Variants in PAXIP1 observed in about 807,000 individuals in gnomAD.
The protein encoded by PAXIP1 is PAX interacting protein 1, also known as PAX-interacting protein 1.
A neutral mutation model predicts 140.6 loss-of-function variants in PAXIP1; 19 were observed. The observed-to-expected ratio is 0.14, with a 90% CI of 0.09 to 0.20. The LOEUF (loss-of-function observed/expected upper bound fraction) is 0.20. Among genes scored for constraint, PAXIP1 ranks in the 10% least tolerant of loss-of-function variants. The pLI is 1.00. For synonymous variants in PAXIP1, 442 were observed against 444.6 expected, an observed-to-expected ratio of 0.99 and a Z score of 0.07; for missense variants, 920 against 1,208.6, an observed-to-expected ratio of 0.76 and a Z score of 3.54.
intron 2 of PAXIP1, among the ~76,000 whole-genome samples, chr7:154,997,597 A>T (rs1810695284): frequency 6.6e-6 from 1 of 152,286 alleles, no homozygotes; most frequent in African/African-American, 2.4e-5. Context: ...CATTGGAATT[A>T]CAAAATTTAA....
chr7:154,969,809 G>T (rs1000537843), intron 6 of PAXIP1, among the ~76,000 whole-genome samples: 1 of 152,098 alleles, frequency 6.6e-6, no homozygotes, highest in Non-Finnish European at 1.5e-5. Flanking sequence ...ACACCACCGG[G>T]GCTGTTTAAA....
intron 16 of PAXIP1, chr7:154,948,760 A>C (rs943093706): frequency 1.3e-5 from 2 of 150,324 alleles, no homozygotes; most frequent in African/African-American, 4.9e-5. Flanking sequence ...ATCCAAGTGT[A>C]TATTATATAT....
chr7:154,961,470 T>C (rs894311212), intron 11 of PAXIP1, 57 bp downstream of exon 11: 14 of 1,385,666 alleles, frequency 1.0e-5, no homozygotes, highest in Middle Eastern at 1.8e-4. Flanking sequence ...ATTATTGAAA[T>C]AGCCACTATA....
chr7:155,002,404 G>A (rs1456208390), intron 1 of PAXIP1, among the ~76,000 whole-genome samples: 1 of 152,214 alleles, frequency 6.6e-6, no homozygotes, highest in East Asian at 1.9e-4. Context: ...CGAGGCTGGG[G>A]TCCCCGCGCG....
intron 1 of PAXIP1, 27 bp downstream of exon 1, chr7:155,002,822 A>T (rs1426686616): frequency 1.5e-6 from 2 of 1,317,958 alleles, no homozygotes; most frequent in South Asian, 1.5e-5. Flanking sequence ...ACGGGGGAGG[A>T]GGCCGCGGCA....
At position 154,968,661 on chromosome 7, in the gene PAXIP1, G is replaced by A. The variant is rs1357728795; in HGVS notation, c.1540C>T (p.Leu514Phe). ...CTGTGCTGCTGCTGGAGCTGGGCAA[G>A]CTGCTGCTGCTGGAGCTGGTGCTGC... ...LQQHQLQQQQ[L>F]AQLQQQHSLL... Residue 514 changes from leucine (L) to phenylalanine (F), a missense_variant, in exon 7 of 21, where the codon CTT becomes TTT. This residue lies in a region of PAXIP1 where 133 missense variants were observed against 88.4 expected (regional missense o/e 1.50). Transcript: ENST00000404141. 10 of 708,980 alleles carry A rather than the reference G, an allele frequency of 1.4e-5. No homozygotes were observed. The highest frequency in any genetic ancestry group is 2.6e-4 in the Middle Eastern group (1 of 3,902). 43.9% of individuals were successfully genotyped at this position (708,980 alleles called of 1,614,324 possible).
intron 4 of PAXIP1, among the ~76,000 whole-genome samples, chr7:154,990,407 G>C (rs186964173): frequency 1.1e-4 from 17 of 152,292 alleles, no homozygotes; most frequent in Non-Finnish European, 2.1e-4. Context: ...TTTAAGGCTT[G>C]ACACTGCTCC....
intron 16 of PAXIP1, chr7:154,948,639 G>A (rs1368246887): frequency 2.0e-5 from 3 of 150,752 alleles, no homozygotes; most frequent in Non-Finnish European, 4.4e-5. Context: ...TCCCATAGCT[G>A]CTCCTCCCCT....
At chr7:154,945,882 A>T (rs1807947847) in intron 20 of PAXIP1, 14 of 985,374 alleles carry the variant, frequency 1.4e-5, no homozygotes, top group Non-Finnish European at 1.7e-5. Flanking sequence ...TCAATATTCT[A>T]AAGACTGACC....
intron 6 of PAXIP1, 73 bp downstream of exon 6, chr7:154,975,623 C>T: frequency 9.3e-7 from 1 of 1,072,136 alleles, no homozygotes; most frequent in Non-Finnish European, 1.3e-6. Flanking sequence ...AACCAATAAA[C>T]TACATTGAAA....
Position 154,946,612 on chromosome 7 carries a change from C to T in PAXIP1, c.3058-25G>A, listed in dbSNP as rs1326291143. 2 of 1,613,442 alleles carry T rather than the reference C, an allele frequency of 1.2e-6. No homozygotes were observed. Among genetic ancestry groups the T allele is most frequent in the South Asian group, 1.1e-5 (1 of 91,052 alleles). ...TCTAAGGAAAAGAAAATGAGTTTCTCAGTGACCGAACGCTGAATGTGATAC... is the reference window on the plus strand; with the variant it reads ...TCTAAGGAAAAGAAAATGAGTTTCTTAGTGACCGAACGCTGAATGTGATAC... On this transcript the variant is annotated intron_variant, in intron 18 of 20. Transcript: ENST00000404141. This position sits in a 1 kb window ranked among gnomAD's most constrained non-coding sequence, Gnocchi z 4.9.
In PAXIP1 at chr7:154,967,847, G is replaced by A; in HGVS notation, c.1862C>T (p.Ser621Phe). 1 of 1,613,492 alleles carries A rather than the reference G, an allele frequency of 6.2e-7. No homozygotes were observed. The highest frequency in any genetic ancestry group is 8.5e-7 in the Non-Finnish European group (1 of 1,179,438). Residue 621 changes from serine (S) to phenylalanine (F), a missense_variant, in exon 8 of 21, where the codon TCT becomes TTT. Around this residue, in one of 5 missense-constraint regions of PAXIP1, gnomAD observed 62 missense variants for 69.0 expected, o/e 0.90. Transcript: ENST00000404141. ...FAIADYPEQM[S>F]DKQLLATWKR... is the part of the protein sequence containing the mutation. ...CCAGGTGGCCAGCAGTTGCTTATCA[G>A]ACATCTGCTCTGGATAATCCGCAAT... is the stretch of plus-strand genomic sequence containing the variant.
In PAXIP1 at chr7:154,946,212, T is replaced by C; in HGVS notation, c.3194+153A>G. The C allele has an allele frequency of 3.4e-6, 5 of 1,460,628 alleles. No homozygotes were observed. Among genetic ancestry groups the C allele is most frequent in the East Asian group, 2.4e-5 (1 of 41,382 alleles). The allele number at this position is 1,460,628 out of a possible 1,614,324, so 90.5% of individuals were successfully genotyped here. A position where few individuals can be genotyped will look rare whatever the true frequency, so the allele number is the denominator to read the frequency against. On this transcript the variant is annotated intron_variant, in intron 20 of 20. Coordinates refer to ENST00000404141, the MANE Select transcript of PAXIP1 (RefSeq NM_007349.4). The surrounding 1 kb of genome is among the most constrained non-coding windows in gnomAD (Gnocchi z 4.9). ...TTTTTACTAGCAACTCAAATGAATA[T>C]TCTGAAGAGAAAAGAATTGTTCACT... is the stretch of plus-strand genomic sequence containing the variant.
rs1348266384 is a variant in PAXIP1 at position 154,954,985 on chromosome 7, A to G, written c.2652+544T>C. On this transcript the variant is annotated intron_variant, in intron 15 of 20. Coordinates refer to ENST00000404141, the MANE Select transcript of PAXIP1 (RefSeq NM_007349.4). This position sits in a 1 kb window ranked among gnomAD's most constrained non-coding sequence, Gnocchi z 5.1. Reference sequence around the variant, plus strand: ...AGGAAACCAGGAGTAAAATGTACGAATCCACCATAATACAGGTCAACTTAT... The same window carrying G: ...AGGAAACCAGGAGTAAAATGTACGAGTCCACCATAATACAGGTCAACTTAT... 6.6e-6 allele frequency among the ~76,000 whole-genome samples: 1 copy of G among 152,212 alleles called. No homozygotes were observed. Among genetic ancestry groups the G allele is most frequent in the African/African-American group, 2.4e-5 (1 of 41,450 alleles).
Position 154,969,047 on chromosome 7 carries a change from T to A in PAXIP1, c.1154A>T (p.Asn385Ile), listed in dbSNP as rs375037270. ...TTTCACTTGGCTAAACAGCACTGCA[T>A]TGGCATTTGTATGTCCCTGCTGGCT... ...NHSQQGHTNA[N>I]AVLFSQVKVT... is the part of the protein sequence containing the mutation. Residue 385 changes from asparagine (N) to isoleucine (I), a missense_variant, in exon 7 of 21, where the codon AAT becomes ATT. Around this residue, in one of 5 missense-constraint regions of PAXIP1, gnomAD observed 419 missense variants for 514.7 expected, o/e 0.81. Coordinates refer to ENST00000404141, the MANE Select transcript of PAXIP1 (RefSeq NM_007349.4). 6.5e-7 allele frequency: 1 copy of A among 1,539,672 alleles called. No individual in the cohort carries two copies. The highest frequency in any genetic ancestry group is 8.8e-7 in the Non-Finnish European group (1 of 1,139,090).
chr7:154,962,720 G>A, intron 9 of PAXIP1: 1 of 260,060 alleles, frequency 3.8e-6, no homozygotes, highest in Non-Finnish European at 7.5e-6. Flanking sequence ...AATAACTTCA[G>A]TGATGACTGA....
At position 154,969,195 on chromosome 7, in the gene PAXIP1, C is replaced by T. The variant is rs944001764; in HGVS notation, c.1075-69G>A. On this transcript the variant is annotated intron_variant, in intron 6 of 20. Transcript: ENST00000404141. Reference sequence around the variant, plus strand: ...AACAGATGAATGATAATTTCTTAGTCAAGAGAATGGCATATCCTATTTATT... The same window carrying T: ...AACAGATGAATGATAATTTCTTAGTTAAGAGAATGGCATATCCTATTTATT... 7 of 1,409,792 alleles carry T rather than the reference C, an allele frequency of 5.0e-6. No homozygotes were observed. The Admixed American group carries it at 1.2e-4, about 25-fold the overall frequency. The allele number at this position is 1,409,792 out of a possible 1,614,324, so 87.3% of individuals were successfully genotyped here. A position where few individuals can be genotyped will look rare whatever the true frequency, so the allele number is the denominator to read the frequency against.
At chr7:154,972,411 C>T (rs1479939814) in intron 6 of PAXIP1, among the ~76,000 whole-genome samples, 1 of 152,168 alleles carries the variant, frequency 6.6e-6, no homozygotes, top group Non-Finnish European at 1.5e-5. Flanking sequence ...ATCGCCTAAA[C>T]CAGGGAGGTG....
At position 154,991,083 on chromosome 7, in the gene PAXIP1, A is replaced by G. The variant is rs1272573102; in HGVS notation, c.261-14T>C. ...AAACCATTTACTCTGTTTTATAGTTATTAAGATTACAATGAAATAAGATTA... is the reference window on the plus strand; with the variant it reads ...AAACCATTTACTCTGTTTTATAGTTGTTAAGATTACAATGAAATAAGATTA... On this transcript the variant is annotated splice_polypyrimidine_tract_variant and intron_variant, in intron 3 of 20. Coordinates refer to ENST00000404141, the MANE Select transcript of PAXIP1 (RefSeq NM_007349.4). 7.1e-7 allele frequency: 1 copy of G among 1,409,236 alleles called. No homozygotes were observed. Among genetic ancestry groups the G allele is most frequent in the East Asian group, 2.5e-5 (1 of 39,816 alleles). The allele number at this position is 1,409,236 out of a possible 1,614,324, so 87.3% of individuals were successfully genotyped here.
Sources: gnomAD v4.1 joint callset for allele counts (sites outside exome capture counted in the v4.1 genomes callset) on GRCh38, gnomAD v4.1.1 for gene constraint, gnomAD v4.1.1 regional missense constraint, Gnocchi (gnomAD v3.1) non-coding constraint, MANE v1.5 for transcripts, NCBI Gene and HGNC (gene_info 2026-07-23, HGNC 2026-07-21) for gene names.